Variants in GRIK5 observed in about 807,000 individuals in gnomAD.
The protein encoded by GRIK5 is glutamate ionotropic receptor kainate type subunit 5.
Under a neutral mutation model 97.4 loss-of-function variants are expected in GRIK5, and 43 were observed. The observed-to-expected ratio is 0.44, with a 90% CI of 0.35 to 0.57. The LOEUF is 0.57. GRIK5 is among the 20% of genes least tolerant of loss of function. GRIK5 has a pLI of 0.01. For missense variants in GRIK5, 1,015 were observed against 1,382.0 expected (o/e 0.73, Z 4.21); for synonymous variants, 580 against 583.5 (o/e 0.99, Z 0.09).
intron 12 of GRIK5, among the ~76,000 whole-genome samples, chr19:42,030,932 A>G (rs2075833989): frequency 6.6e-6 from 1 of 152,208 alleles, no homozygotes; most frequent in South Asian, 2.1e-4. Context: ...TGTGGACTGT[A>G]GAGTTCAAGT....
At chr19:42,018,960 C>T (rs924054262) in intron 15 of GRIK5, among the ~76,000 whole-genome samples, 1 of 152,174 alleles carries the variant, frequency 6.6e-6, no homozygotes, top group Non-Finnish European at 1.5e-5. Flanking sequence ...TCTCAAACAT[C>T]TGCTGAATGA....
intron 15 of GRIK5, among the ~76,000 whole-genome samples, chr19:42,019,686 TAGAG>T (rs1395123005): frequency 6.6e-6 from 1 of 152,042 alleles, no homozygotes; most frequent in South Asian, 2.1e-4. Context: ...AGAAGGAAGT[TAGAG>T]AGAGAGATTT....
At chr19:42,049,319 A>T (rs2076082956) in intron 11 of GRIK5, among the ~76,000 whole-genome samples, 1 of 152,182 alleles carries the variant, frequency 6.6e-6, no homozygotes, top group Non-Finnish European at 1.5e-5. Context: ...CACCCAACAG[A>T]AACACCAGTA....
chr19:42,014,136 G>A (rs1487380288), intron 15 of GRIK5, among the ~76,000 whole-genome samples: 1 of 151,874 alleles, frequency 6.6e-6, no homozygotes, highest in Non-Finnish European at 1.5e-5. Context: ...GCTCACACCT[G>A]TAATCCCAGC....
chr19:42,022,637 G>A lies in GRIK5; in HGVS notation c.1474-283C>T, dbSNP rs1224409478. 4.1e-6 allele frequency: 4 copies of A among 984,890 alleles called. No individual in the cohort carries two copies. Among genetic ancestry groups the A allele is most frequent in the Non-Finnish European group, 3.6e-6 (3 of 829,822 alleles). 61.0% of individuals were successfully genotyped at this position (984,890 alleles called of 1,614,324 possible). On this transcript the variant is annotated intron_variant, in intron 12 of 19. Transcript: ENST00000593562. This position sits in a 1 kb window ranked among gnomAD's most constrained non-coding sequence, Gnocchi z 4.2. The stretch of plus-strand genomic sequence containing the variant: ...CAGCATCAAGGGCTGGGGATGGAGG[G>A]GTTCCCCAAACTCCAATTCAAGCAG...
At chr19:42,027,476 C>T (rs1384189455) in intron 12 of GRIK5, among the ~76,000 whole-genome samples, 1 of 152,232 alleles carries the variant, frequency 6.6e-6, no homozygotes, top group Non-Finnish European at 1.5e-5. Flanking sequence ...GGCCAAGAGC[C>T]TGGCAGGGCC....
chr19:42,057,821 T>C (rs1023480675), intron 6 of GRIK5, among the ~76,000 whole-genome samples: 1 of 152,204 alleles, frequency 6.6e-6, no homozygotes, highest in African/African-American at 2.4e-5. Context: ...AACGTCAAGA[T>C]TCATTCTTGA....
At chr19:42,001,436 C>T (rs1197445161) in intron 19 of GRIK5, among the ~76,000 whole-genome samples, 3 of 152,150 alleles carry the variant, frequency 2.0e-5, no homozygotes, top group Non-Finnish European at 4.4e-5. Flanking sequence ...ACCATGTTGG[C>T]CATGCTGGTC....
intron 12 of GRIK5, among the ~76,000 whole-genome samples, chr19:42,027,911 C>G (rs1181517494): frequency 6.6e-6 from 1 of 152,180 alleles, no homozygotes; most frequent in Non-Finnish European, 1.5e-5. Context: ...CTCACTGCAG[C>G]CTCAAACTCT....
In GRIK5 at chr19:42,021,656, CAGAG is replaced by C. The variant is rs1244288289; in HGVS notation, c.1698-186_1698-183del. Reference sequence around the variant, plus strand: ...TGCACAGAGATGGAGACAGAAGAGGCAGAGAGAGACACAGAGATACTCAGAGAGA... The same window carrying C: ...TGCACAGAGATGGAGACAGAAGAGGCAGAGACACAGAGATACTCAGAGAGA... On this transcript the variant is annotated intron_variant, in intron 14 of 19. Coordinates refer to ENST00000593562, the MANE Select transcript of GRIK5 (RefSeq NM_002088.5). The surrounding 1 kb of genome is among the most constrained non-coding windows in gnomAD (Gnocchi z 4.2). Among the ~76,000 whole-genome samples, 1 of 151,850 alleles carries C rather than the reference CAGAG, an allele frequency of 6.6e-6. No homozygotes were observed. Among genetic ancestry groups the C allele is most frequent in the Non-Finnish European group, 1.5e-5 (1 of 67,974 alleles).
intron 12 of GRIK5, among the ~76,000 whole-genome samples, chr19:42,037,909 G>A (rs575593893): frequency 3.3e-5 from 5 of 152,186 alleles, no homozygotes; most frequent in African/African-American, 4.8e-5. Flanking sequence ...TGACTGCAGC[G>A]CAGCTCAACT....
chr19:42,067,425 G>C (rs2076350879), intron 1 of GRIK5, among the ~76,000 whole-genome samples: 1 of 152,178 alleles, frequency 6.6e-6, no homozygotes, highest in African/African-American at 2.4e-5. Flanking sequence ...TGGACAGGCT[G>C]GGGACTGCAA....
At chr19:42,016,027 C>G (rs1277866952) in intron 15 of GRIK5, among the ~76,000 whole-genome samples, 1 of 152,130 alleles carries the variant, frequency 6.6e-6, no homozygotes, top group Non-Finnish European at 1.5e-5. Context: ...AAAATAAAAC[C>G]AAAACCCCAA....
intron 12 of GRIK5, among the ~76,000 whole-genome samples, chr19:42,028,415 G>A (rs1241810970): frequency 6.6e-6 from 1 of 152,210 alleles, no homozygotes; most frequent in Non-Finnish European, 1.5e-5. Context: ...GCCAATAGGG[G>A]GCGCTAGCGG....
chr19:42,060,003 G>A (rs912710648), intron 5 of GRIK5, among the ~76,000 whole-genome samples: 4 of 151,910 alleles, frequency 2.6e-5, no homozygotes, highest in Non-Finnish European at 5.9e-5. Context: ...CCTGCCTGCT[G>A]CAATCCCCAA....
At position 42,021,961 on chromosome 19, in the gene GRIK5, C is replaced by T; in HGVS notation, c.1683G>A (p.Leu561=). 6.2e-7 allele frequency: 1 copy of T among 1,612,836 alleles called. No homozygotes were observed. The highest frequency in any genetic ancestry group is 8.5e-7 in the Non-Finnish European group (1 of 1,179,006). Residue 561 remains leucine (L), a synonymous_variant, in exon 14 of 20, where the codon CTG becomes CTA. Transcript: ENST00000593562. This position sits in a 1 kb window ranked among gnomAD's most constrained non-coding sequence, Gnocchi z 4.2. ...AGTGGACTCACCTGGCAGCCAGAAA[C>T]AGGACGCAGCTGACAGCCAGGTAGG... The part of the protein sequence containing the change: ...LLAYLAVSCV[L]FLAARLSPYE...
intron 8 of GRIK5, among the ~76,000 whole-genome samples, chr19:42,055,521 C>A (rs1426894235): frequency 1.3e-5 from 2 of 152,098 alleles, no homozygotes; most frequent in African/African-American, 4.8e-5. Flanking sequence ...CAATGGTGAA[C>A]AAAATAAACA....
chr19:42,026,220 T>C (rs187809887), intron 12 of GRIK5, among the ~76,000 whole-genome samples: 2 of 152,260 alleles, frequency 1.3e-5, no homozygotes, highest in African/African-American at 4.8e-5. Context: ...ACTGCTGGGC[T>C]CAAGTGATCC....
chr19:42,063,135 T>A (rs1490000896), intron 3 of GRIK5, among the ~76,000 whole-genome samples: 4 of 152,148 alleles, frequency 2.6e-5, no homozygotes, highest in African/African-American at 9.7e-5. Context: ...ACCAGGGGCC[T>A]CCTCTGCCTA....
Sources: gnomAD v4.1 joint callset for allele counts (sites outside exome capture counted in the v4.1 genomes callset) on GRCh38, gnomAD v4.1.1 for gene constraint, Gnocchi (gnomAD v3.1) non-coding constraint, MANE v1.5 for transcripts, NCBI Gene and HGNC (gene_info 2026-07-23, HGNC 2026-07-21) for gene names.